The following LIMS4 variants were observed in gnomAD, a reference collection of about 807,000 sequenced individuals.
LIMS4 encodes the protein LIM zinc finger domain containing 4, also known as LIM and senescent cell antigen-like-containing domain protein 4.
the LIMS4 span, among the ~76,000 whole-genome samples, chr2:110,363,973 A>G: frequency 8.7e-6 from 1 of 115,196 alleles, no homozygotes; most frequent in African/African-American, 3.1e-5. Context: ...ACTGGGCAAC[A>G]TGGTGAAACC....
chr2:110,392,674 G>A, the LIMS4 span, among the ~76,000 whole-genome samples: 2 of 150,744 alleles, frequency 1.3e-5, no homozygotes, highest in African/African-American at 2.5e-5. Context: ...TGAGAAGGTG[G>A]CTTCTCCTGC....
the LIMS4 span, among the ~76,000 whole-genome samples, chr2:110,367,868 A>G: frequency 3.6e-5 from 5 of 140,606 alleles, 2 homozygotes; most frequent in African/African-American, 1.5e-4. Flanking sequence ...AAGGGACAGA[A>G]TGAGACCCCT....
At chr2:110,381,896 G>A in the LIMS4 span, among the ~76,000 whole-genome samples, 2 of 38,476 alleles carry the variant, frequency 5.2e-5, no homozygotes, top group East Asian at 6.2e-4. Context: ...GTGAAACCCC[G>A]TCTCTACTAA....
At chr2:110,369,222 AATGG>A in the LIMS4 span, among the ~76,000 whole-genome samples, 2 of 85,246 alleles carry the variant, frequency 2.3e-5, no homozygotes, top group Non-Finnish European at 4.5e-5. Flanking sequence ...TGGCAAGCTG[AATGG>A]GATCCACCTC....
the LIMS4 span, among the ~76,000 whole-genome samples, chr2:110,396,044 C>T: frequency 5.0e-4 from 68 of 136,530 alleles, 2 homozygotes; most frequent in Admixed American, 2.8e-3. Context: ...TGGATGAGGG[C>T]GTAGCTAGAG....
chr2:110,372,790 G>A, the LIMS4 span, among the ~76,000 whole-genome samples: 1 of 148,316 alleles, frequency 6.7e-6, no homozygotes, highest in Non-Finnish European at 1.5e-5. Flanking sequence ...ACAGGAGTGA[G>A]CCACCGCGTC....
At chr2:110,365,936 A>T in the LIMS4 span, among the ~76,000 whole-genome samples, 1 of 150,342 alleles carries the variant, frequency 6.7e-6, no homozygotes, top group East Asian at 1.9e-4. Flanking sequence ...AAATGTGGAA[A>T]AATTCCTGAA....
the LIMS4 span, among the ~76,000 whole-genome samples, chr2:110,409,124 CA>C: frequency 1.3e-5 from 1 of 75,836 alleles, no homozygotes; most frequent in Non-Finnish European, 2.2e-5. Context: ...GTCAACTGTA[CA>C]GTGTTTCTAA....
the LIMS4 span, chr2:110,403,067 CT>C: frequency 9.8e-5 from 1 of 10,200 alleles, no homozygotes; most frequent in African/African-American, 3.7e-4. Context: ...ATTGAGATAT[CT>C]TTTTTTTCCT....
At chr2:110,367,769 G>A in the LIMS4 span, among the ~76,000 whole-genome samples, 1 of 144,606 alleles carries the variant, frequency 6.9e-6, no homozygotes, top group Non-Finnish European at 1.5e-5. Flanking sequence ...TGTGGTCCCA[G>A]CTATTCAGAA....
chr2:110,425,329 G>A, the LIMS4 span, among the ~76,000 whole-genome samples: 1 of 142,064 alleles, frequency 7.0e-6, no homozygotes, highest in Non-Finnish European at 1.5e-5. Flanking sequence ...GCAGTGAGTG[G>A]TGATTGCACC....
the LIMS4 span, among the ~76,000 whole-genome samples, chr2:110,390,977 T>C: frequency 3.9e-5 from 6 of 152,274 alleles, no homozygotes; most frequent in Non-Finnish European, 8.8e-5. Context: ...AAGGCCTCCC[T>C]GAGGTGACAG....
the LIMS4 span, among the ~76,000 whole-genome samples, chr2:110,373,610 G>C: frequency 6.6e-6 from 1 of 151,368 alleles, no homozygotes; most frequent in African/African-American, 2.5e-5. Flanking sequence ...CTCCACAGAG[G>C]GGGAAACTGA....
the LIMS4 span, among the ~76,000 whole-genome samples, chr2:110,422,470 A>G: frequency 3.6e-5 from 4 of 109,898 alleles, no homozygotes; most frequent in African/African-American, 1.7e-4. Flanking sequence ...AGACGTATGC[A>G]CCAGAGCTTT....
chr2:110,382,137 A>G, the LIMS4 span, among the ~76,000 whole-genome samples: 1 of 117,356 alleles, frequency 8.5e-6, no homozygotes, highest in African/African-American at 4.0e-5. Context: ...ATATATATAT[A>G]TATATATATA....
chr2:110,392,544 T>C, the LIMS4 span, among the ~76,000 whole-genome samples: 2 of 152,040 alleles, frequency 1.3e-5, no homozygotes, highest in Non-Finnish European at 2.9e-5. Context: ...GAGGAGTAGG[T>C]CTGCCCCGAT....
chr2:110,398,849 CT>C, the LIMS4 span, among the ~76,000 whole-genome samples: 3 of 104,870 alleles, frequency 2.9e-5, no homozygotes, highest in African/African-American at 1.1e-4. Context: ...GCAATGCGCC[CT>C]TTCAACCTCC....
the LIMS4 span, among the ~76,000 whole-genome samples, chr2:110,425,005 C>T: frequency 1.6e-4 from 23 of 143,940 alleles, 3 homozygotes; most frequent in Admixed American, 8.2e-4. Context: ...GCTTGGGTCC[C>T]GGTCAGCTTT....
the LIMS4 span, chr2:110,360,734 C>A: frequency 1.2e-5 from 19 of 1,604,342 alleles, no homozygotes; most frequent in East Asian, 3.6e-4. Flanking sequence ...TCTGACATGG[C>A]GCCATTGGGA....
Sources: allele counts gnomAD v4.1 joint callset (sites outside exome capture counted in the v4.1 genomes callset), GRCh38; gene constraint gnomAD v4.1.1; transcripts MANE v1.5; gene names NCBI Gene and HGNC (gene_info 2026-07-23, HGNC 2026-07-21).